ATP13A1: variants seen among roughly 807,000 people sequenced by gnomAD.
ATP13A1 encodes the protein endoplasmic reticulum transmembrane helix translocase.
In ATP13A1, 55 loss-of-function variants were observed where a neutral mutation model predicts 134.8. That is an observed-to-expected ratio of 0.41 (90% CI 0.33 to 0.51). The LOEUF (loss-of-function observed/expected upper bound fraction) is 0.51, where lower values mean the gene tolerates loss of function less well. Ranked by LOEUF, ATP13A1 falls within the 20% of genes least tolerant of loss-of-function variation. The pLI is 0.29. For missense variants in ATP13A1, 1,389 were observed against 1,652.8 expected (o/e 0.84, Z 2.77); for synonymous variants, 775 against 725.1 (o/e 1.07, Z -1.10).
At chr19:19,658,528 C>T (rs1477712364) in intron 3 of ATP13A1, among the ~76,000 whole-genome samples, 3 of 152,140 alleles carry the variant, frequency 2.0e-5, no homozygotes, top group Non-Finnish European at 4.4e-5. Flanking sequence ...TTGTAGTCAA[C>T]ATATTTGTAA....
At position 19,647,408 on chromosome 19, in the gene ATP13A1, A is replaced by G. The variant is rs780677601; in HGVS notation, c.2908+6T>C. ...AAGGGAGGGGGAGCGGGGGCAGGCA[A>G]CTCACTGCACTGGATGGATGAGAGC... is the stretch of plus-strand genomic sequence containing the variant. On this transcript the variant is annotated splice_donor_region_variant and intron_variant, in intron 21 of 25. Transcript: ENST00000357324. This position sits in a 1 kb window ranked among gnomAD's most constrained non-coding sequence, Gnocchi z 4.8. The G allele has an allele frequency of 6.2e-7, 1 of 1,611,178 alleles. No homozygotes were observed. The highest frequency in any genetic ancestry group is 8.5e-7 in the Non-Finnish European group (1 of 1,178,500).
Position 19,663,548 on chromosome 19 carries a change from G to A in ATP13A1, c.119C>T (p.Pro40Leu). The A allele has an allele frequency of 6.6e-7, 1 of 1,516,554 alleles. No homozygotes were observed. Among genetic ancestry groups the A allele is most frequent in the Non-Finnish European group, 8.8e-7 (1 of 1,140,412 alleles). 93.9% of individuals were successfully genotyped at this position (1,516,554 alleles called of 1,614,324 possible). ...PQPRALLAAG[P>L]ALIANGDELV... ...CTCGTCACCGTTCGCTATGAGCGCC[G>A]GCCCGGCGGCAAGGAGCGCGCGCGG... The change falls in exon 1 of 26, where the codon CCG becomes CTG. Residue 40 changes from proline to leucine, a missense_variant. Coordinates refer to ENST00000357324, the MANE Select transcript of ATP13A1 (RefSeq NM_020410.3).
intron 23 of ATP13A1, 86 bp downstream of exon 23, chr19:19,646,119 C>T: frequency 1.2e-6 from 2 of 1,602,260 alleles, no homozygotes; most frequent in Admixed American, 3.4e-5. Context: ...CTGGACAACC[C>T]CCAGCCTCTC....
At chr19:19,661,804 A>G (rs563489393) in intron 1 of ATP13A1, among the ~76,000 whole-genome samples, 1 of 152,334 alleles carries the variant, frequency 6.6e-6, no homozygotes, top group Non-Finnish European at 1.5e-5. Flanking sequence ...CCGCAGAAAC[A>G]AAGCGCCACC....
intron 22 of ATP13A1, chr19:19,646,606 C>A: frequency 3.7e-6 from 2 of 541,660 alleles, no homozygotes; most frequent in Non-Finnish European, 6.6e-6. Context: ...AATCATGAAG[C>A]AGATCCTGCC....
chr19:19,650,299 G>A, intron 17 of ATP13A1: 1 of 294,292 alleles, frequency 3.4e-6, no homozygotes, highest in Non-Finnish European at 6.4e-6. Flanking sequence ...CCCACACCAG[G>A]CCCTCACCTC....
At chr19:19,662,472 TC>T in intron 1 of ATP13A1, 1 of 683,962 alleles carries the variant, frequency 1.5e-6, no homozygotes, top group Non-Finnish European at 1.8e-6. Context: ...TACCTCAGTG[TC>T]CATGGCTCCA....
Position 19,655,669 on chromosome 19 carries a change from G to C in ATP13A1, c.1270-15C>G. The C allele has an allele frequency of 6.2e-7, 1 of 1,610,344 alleles. No individual in the cohort carries two copies. ...AGCAGCTTGCCCTGGAGGAATGGAG[G>C]AACAGCCTTTCTGCTGTCTGGACTC... On this transcript the variant is annotated splice_polypyrimidine_tract_variant and intron_variant, in intron 9 of 25. Transcript: ENST00000357324. This position sits in a 1 kb window ranked among gnomAD's most constrained non-coding sequence, Gnocchi z 5.7.
In ATP13A1 at chr19:19,656,868, G is replaced by A; in HGVS notation, c.955C>T (p.Pro319Ser). The A allele has an allele frequency of 6.2e-7, 1 of 1,612,606 alleles. No individual in the cohort carries two copies. The highest frequency in any genetic ancestry group is 1.1e-5 in the South Asian group (1 of 90,906). Reference sequence around the variant, plus strand: ...TCACCGATGGAGACGATGTCCCCTGGTACGATCTCATCACTGGCAATGGGC... The same window carrying A: ...TCACCGATGGAGACGATGTCCCCTGATACGATCTCATCACTGGCAATGGGC... ...WRPIASDEIV[P>S]GDIVSIGRSP... The change falls in exon 6 of 26, where the codon CCA (proline) becomes TCA (serine). Residue 319 changes from proline (P) to serine (S), a missense_variant. By Grantham distance (74) the Pro-to-Ser change is moderately conservative. Coordinates refer to ENST00000357324, the MANE Select transcript of ATP13A1 (RefSeq NM_020410.3). This position sits in a 1 kb window ranked among gnomAD's most constrained non-coding sequence, Gnocchi z 4.6.
intron 3 of ATP13A1, among the ~76,000 whole-genome samples, 199 bp from the exon 4 acceptor site, chr19:19,657,607 G>A (rs1686092813): frequency 6.6e-6 from 1 of 152,202 alleles, no homozygotes; most frequent in Non-Finnish European, 1.5e-5. Context: ...GCTGAGCCTG[G>A]GGTAGACATG....
At chr19:19,652,133 T>C (rs1019089963) in intron 16 of ATP13A1, among the ~76,000 whole-genome samples, 2 of 152,096 alleles carry the variant, frequency 1.3e-5, no homozygotes, top group Non-Finnish European at 2.9e-5. Flanking sequence ...ACCTCTGGGC[T>C]TGGTGGGGAC....
chr19:19,650,941 CTA>C (rs1056937395), intron 17 of ATP13A1: 1 of 152,286 alleles, frequency 6.6e-6, no homozygotes, highest in African/African-American at 2.4e-5. Flanking sequence ...GGCTGGGTCT[CTA>C]TGTCTGCCTC....
Position 19,653,998 on chromosome 19 carries a change from T to C in ATP13A1, c.1960A>G (p.Lys654Glu). ...STDLCYIAAV[K>E]GAPETLHSMF... ...GAGTGCAGAGTTTCGGGGGCCCCCT[T>C]CACGGCCGCGATGTAGCAGAGGTCG... Residue 654 changes from lysine to glutamate, a missense_variant, in exon 14 of 26, where the codon AAG becomes GAG. Coordinates refer to ENST00000357324, the MANE Select transcript of ATP13A1 (RefSeq NM_020410.3). This position sits in a 1 kb window ranked among gnomAD's most constrained non-coding sequence, Gnocchi z 4.2. 6.3e-7 allele frequency: 1 copy of C among 1,598,752 alleles called. No individual in the cohort carries two copies. The highest frequency in any genetic ancestry group is 1.7e-5 in the Admixed American group (1 of 57,522).
At position 19,652,697 on chromosome 19, in the gene ATP13A1, G is replaced by A. The variant is rs758394802; in HGVS notation, c.2124C>T (p.Ala708=). ...HQQAREVKRE[A]LECSLKFVGF... ...CGACGAACTTGAGGCTGCACTCCAGGGCCTCCCGCTTGACCTCCCGGGCCT... is the reference window on the plus strand; with the variant it reads ...CGACGAACTTGAGGCTGCACTCCAGAGCCTCCCGCTTGACCTCCCGGGCCT... Residue 708 remains alanine, a synonymous_variant, in exon 16 of 26, where the codon GCC becomes GCT. Transcript: ENST00000357324. 6.2e-7 allele frequency: 1 copy of A among 1,606,790 alleles called. No individual in the cohort carries two copies. Among genetic ancestry groups the A allele is most frequent in the South Asian group, 1.1e-5 (1 of 89,772 alleles).
At position 19,645,801 on chromosome 19, in the gene ATP13A1, G is replaced by C. The variant is rs772815803; in HGVS notation, c.3361-11C>G. The C allele has an allele frequency of 6.2e-7, 1 of 1,609,320 alleles. No individual in the cohort carries two copies. Among genetic ancestry groups the C allele is most frequent in the South Asian group, 1.1e-5 (1 of 90,840 alleles). On this transcript the variant is annotated splice_polypyrimidine_tract_variant and intron_variant, in intron 24 of 25. Transcript: ENST00000357324. The surrounding 1 kb of genome is among the most constrained non-coding windows in gnomAD (Gnocchi z 4.1). ...CATGAAGGGCGGGCCCTGTGGGGAT[G>C]AGGGACAGATGGCTTCATGGGGTGG... is the stretch of plus-strand genomic sequence containing the variant.
chr19:19,661,974 C>A, intron 1 of ATP13A1: 1 of 1,486,506 alleles, frequency 6.7e-7, no homozygotes, highest in Non-Finnish European at 9.1e-7. Flanking sequence ...AGATGGCACC[C>A]AGTAGTTGTT....
At chr19:19,663,244 G>T (rs752900085) in intron 1 of ATP13A1, 27 bp downstream of exon 1, 22 of 1,563,892 alleles carry the variant, frequency 1.4e-5, no homozygotes, top group Non-Finnish European at 1.7e-5. Context: ...ACCGTGCTGG[G>T]GGTCGGGCTC....
Position 19,654,516 on chromosome 19 carries a change from G to C in ATP13A1, c.1813+27C>G, listed in dbSNP as rs750723873. 6 of 1,577,668 alleles carry C rather than the reference G, an allele frequency of 3.8e-6. No individual in the cohort carries two copies. The East Asian group carries it at 1.3e-4, about 35-fold the overall frequency. On this transcript the variant is annotated intron_variant, in intron 13 of 25. Transcript: ENST00000357324. ...CTGTGAGAGCCAGTGGCTCCCCCTT[G>C]CTGGGCCTGAGGCCCCAGCCCCTCA...
chr19:19,658,001 T>C (rs1238831694), intron 3 of ATP13A1, among the ~76,000 whole-genome samples: 4 of 151,308 alleles, frequency 2.6e-5, no homozygotes, highest in African/African-American at 9.7e-5. Flanking sequence ...ATTTAAAAAT[T>C]AGCTGGGGGT....
Sources: gnomAD v4.1 joint callset for allele counts (sites outside exome capture counted in the v4.1 genomes callset) on GRCh38, gnomAD v4.1.1 for gene constraint, Gnocchi (gnomAD v3.1) non-coding constraint, MANE v1.5 for transcripts, NCBI Gene and HGNC (gene_info 2026-07-23, HGNC 2026-07-21) for gene names.